TMEM165: variants seen among roughly 807,000 people sequenced by gnomAD.
The protein encoded by TMEM165 is putative divalent cation/proton antiporter TMEM165.
A neutral mutation model predicts 30.0 loss-of-function variants in TMEM165; 19 were observed. The observed-to-expected ratio is 0.63, with a 90% CI of 0.44 to 0.93. TMEM165 has a LOEUF of 0.93. Ranked by LOEUF, TMEM165 falls within the 40% of genes least tolerant of loss-of-function variation. The pLI, the probability that TMEM165 is intolerant of heterozygous loss-of-function variation, is 0.00. For synonymous variants in TMEM165, 168 were observed against 162.9 expected (o/e 1.03, Z -0.24); for missense variants, 340 against 417.0 (o/e 0.82, Z 1.61).
chr4:55,427,516 T>C (rs1393619667), downstream of TMEM165, among the ~76,000 whole-genome samples: 1 of 150,600 alleles, frequency 6.6e-6, no homozygotes, highest in East Asian at 1.9e-4. Context: ...CTAATTTTTT[T>C]GTATTTTCAG....
downstream of TMEM165, chr4:55,428,637 A>ACTT (rs1482488916): frequency 2.0e-5 from 3 of 152,210 alleles, no homozygotes; most frequent in Non-Finnish European, 4.4e-5. Context: ...AGCTACATCT[A>ACTT]CTTTTTAATT....
At chr4:55,426,539 A>G (rs1722208000), downstream of TMEM165, among the ~76,000 whole-genome samples, 1 of 152,142 alleles carries the variant, frequency 6.6e-6, no homozygotes, top group Non-Finnish European at 1.5e-5. Flanking sequence ...CAAGTAGCAT[A>G]ACAGCTGCTT....
chr4:55,418,890 C>T (rs1721850857), intron 4 of TMEM165, among the ~76,000 whole-genome samples: 1 of 151,826 alleles, frequency 6.6e-6, no homozygotes, highest in East Asian at 1.9e-4. Flanking sequence ...ACTAAAAATA[C>T]AAAAATTAGC....
At chr4:55,422,121 C>A (rs1722003804) in intron 4 of TMEM165, among the ~76,000 whole-genome samples, 1 of 152,166 alleles carries the variant, frequency 6.6e-6, no homozygotes, top group East Asian at 1.9e-4. Flanking sequence ...CTCCGTTGGT[C>A]CTTACAGGAG....
chr4:55,448,990 G>C lies in TMEM165; in HGVS notation c.409-3249G>C, dbSNP rs1724190566. The C allele has an allele frequency of 2.3e-5, 18 of 772,206 alleles. No homozygotes were observed. The Admixed American group carries it at 3.8e-4, about 16-fold the overall frequency. The allele number at this position is 772,206 out of a possible 1,614,324, so 47.8% of individuals were successfully genotyped here. A position where few individuals can be genotyped will look rare whatever the true frequency, so the allele number is the denominator to read the frequency against. On this transcript the variant is annotated intron_variant, in intron 3 of 3. Transcript: ENST00000608091. ...TACCATTTGCCTCATACTTTTGTTA[G>C]CTGAATACAGCTATGTCTTCTCATC...
chr4:55,451,528 T>C (rs1724454546), intron 3 of TMEM165, among the ~76,000 whole-genome samples: 1 of 152,156 alleles, frequency 6.6e-6, no homozygotes, highest in Non-Finnish European at 1.5e-5. Flanking sequence ...TTCTCAAAAA[T>C]ATCTCAGAAG....
intron 3 of TMEM165, chr4:55,435,569 G>A: frequency 1.2e-6 from 2 of 1,613,808 alleles, no homozygotes; most frequent in Non-Finnish European, 1.7e-6. Context: ...TTGAGTTGAG[G>A]GATTCCCATG....
intron 3 of TMEM165, chr4:55,448,754 A>C: frequency 6.3e-7 from 1 of 1,577,790 alleles, no homozygotes; most frequent in South Asian, 1.1e-5. Context: ...TCAAATACGC[A>C]ACTGAAACAA....
intron 3 of TMEM165, among the ~76,000 whole-genome samples, chr4:55,449,917 A>G (rs1325782510): frequency 6.6e-6 from 1 of 152,200 alleles, no homozygotes; most frequent in African/African-American, 2.4e-5. Flanking sequence ...GAAGAACTTA[A>G]TTCTTTGCTG....
In TMEM165 at chr4:55,417,871, G is replaced by A; in HGVS notation, c.678G>A (p.Gln226=). 4 of 1,614,068 alleles carry A rather than the reference G, an allele frequency of 2.5e-6. No individual in the cohort carries two copies. The highest frequency in any genetic ancestry group is 2.2e-5 in the East Asian group (1 of 44,860). The change falls in exon 4 of 6, where the codon CAG becomes CAA. Residue 226 remains glutamine, a synonymous_variant. Coordinates refer to ENST00000381334, the MANE Select transcript of TMEM165 (RefSeq NM_018475.5). ...CGGGTACAAGCATAACAGTACCTCA[G>A]AAAAAGTGGTTGCATTTTATTTCAC... ...VETGTSITVP[Q]KKWLHFISPI...
intron 3 of TMEM165, chr4:55,431,395 G>A (rs1007381761): frequency 6.6e-6 from 1 of 152,148 alleles, no homozygotes; most frequent in Non-Finnish European, 1.5e-5. Context: ...AAAAATAGTC[G>A]ATTCTATTCC....
At chr4:55,405,833 A>G (rs979730435) in intron 1 of TMEM165, among the ~76,000 whole-genome samples, 11 of 152,214 alleles carry the variant, frequency 7.2e-5, no homozygotes, top group African/African-American at 2.4e-4. Context: ...AAAATATGTA[A>G]TGACTTCCCT....
intron 1 of TMEM165, among the ~76,000 whole-genome samples, chr4:55,399,730 T>G (rs1022199924): frequency 6.6e-6 from 1 of 152,118 alleles, no homozygotes; most frequent in Non-Finnish European, 1.5e-5. Flanking sequence ...AAAGTTTTAT[T>G]TAATTTTTTT....
chr4:55,426,954 A>AGAT (rs1167252827), downstream of TMEM165, among the ~76,000 whole-genome samples: 2 of 152,220 alleles, frequency 1.3e-5, no homozygotes, highest in Admixed American at 6.5e-5. Flanking sequence ...CTGTGGATTA[A>AGAT]GATAAACTCT....
rs781365918 is a variant in TMEM165 at position 55,438,557 on chromosome 4, A to C, written c.409-13682A>C. On this transcript the variant is annotated intron_variant, in intron 3 of 3. Transcript: ENST00000608091. ...GAAAATCTGTTAGAAGAAAGAAGGA[A>C]AAAAATTGGAGTCCAAAGTACAAGG... The C allele has an allele frequency of 1.9e-6, 3 of 1,612,488 alleles. No individual in the cohort carries two copies. In the African/African-American group the frequency reaches 4.0e-5, roughly 22 times the overall value.
chr4:55,424,619 G>A lies in TMEM165; in HGVS notation c.874G>A (p.Ala292Thr). The change falls in exon 5 of 6, where the codon GCA becomes ACA. Residue 292 changes from alanine (A) to threonine (T), a missense_variant. Physicochemically the swap from Ala to Thr is moderately conservative, Grantham distance 58. Around this residue, in one of 2 missense-constraint regions of TMEM165, gnomAD observed 220 missense variants for 307.6 expected, o/e 0.72. Coordinates refer to ENST00000381334, the MANE Select transcript of TMEM165 (RefSeq NM_018475.5). ...GLAVIGGRMIAQKISVRTVTI... is the reference protein window; with the variant it reads ...GLAVIGGRMITQKISVRTVTI... The stretch of plus-strand genomic sequence containing the variant: ...GGCAGTAATTGGAGGAAGAATGATA[G>A]CACAGAAAATCTCTGTCAGAACTGG... 1.2e-6 allele frequency: 2 copies of A among 1,611,884 alleles called. No homozygotes were observed. The highest frequency in any genetic ancestry group is 1.3e-5 in the African/African-American group (1 of 74,992).
intron 2 of TMEM165, 151 bp downstream of exon 2, chr4:55,411,990 C>T: frequency 1.5e-6 from 1 of 681,048 alleles, no homozygotes; most frequent in Non-Finnish European, 2.6e-6. Context: ...GTATCCTTTC[C>T]TTGTGTATCC....
At chr4:55,414,147 G>A (rs1252398777) in intron 2 of TMEM165, among the ~76,000 whole-genome samples, 1 of 151,970 alleles carries the variant, frequency 6.6e-6, no homozygotes, top group Non-Finnish European at 1.5e-5. Context: ...GCGGGCATCT[G>A]TAGTCCTAGC....
At chr4:55,444,872 A>C (rs1053927763) in intron 3 of TMEM165, 1 of 1,342,936 alleles carries the variant, frequency 7.4e-7, no homozygotes, top group African/African-American at 1.4e-5. Flanking sequence ...AAGCAGTATA[A>C]CATGAGTGAA....
Sources: allele counts gnomAD v4.1 joint callset (sites outside exome capture counted in the v4.1 genomes callset), GRCh38; gene constraint gnomAD v4.1.1; regional missense constraint gnomAD v4.1.1; transcripts MANE v1.5; gene names NCBI Gene and HGNC (gene_info 2026-07-23, HGNC 2026-07-21).